XXYLT1: variants seen among roughly 807,000 people sequenced by gnomAD.
XXYLT1 encodes the protein UDP-xylose:alpha-xyloside alpha-1,3-xylosyltransferase.
XXYLT1 carries 20 observed loss-of-function variants against 28.9 expected under a neutral mutation model. The observed-to-expected ratio is 0.69, with a 90% CI of 0.49 to 1.00. The LOEUF is 1.00. XXYLT1 is among the 50% of genes least tolerant of loss of function. The pLI, the probability that XXYLT1 is intolerant of heterozygous loss-of-function variation, is 0.00. For missense variants in XXYLT1, 542 were observed against 560.1 expected, an observed-to-expected ratio of 0.97 and a Z score of 0.33; for synonymous variants, 257 against 253.8, an observed-to-expected ratio of 1.01 and a Z score of -0.12.
At chr3:195,205,733 G>C (rs1371683976) in intron 2 of XXYLT1, among the ~76,000 whole-genome samples, 1 of 152,156 alleles carries the variant, frequency 6.6e-6, no homozygotes, top group Non-Finnish European at 1.5e-5. Context: ...TGTGGTGGCA[G>C]GCGACTGTAA....
chr3:195,094,432 G>A (rs140307194), intron 3 of XXYLT1, among the ~76,000 whole-genome samples: 20 of 152,300 alleles, frequency 1.3e-4, no homozygotes, highest in African/African-American at 4.8e-4. Flanking sequence ...AGAGTGGCCC[G>A]ACCAGGCTTC....
At chr3:195,132,467 C>CA (rs200263210) in intron 3 of XXYLT1, among the ~76,000 whole-genome samples, 5,340 of 127,056 alleles carry the variant, frequency 0.042, 159 homozygotes, top group East Asian at 0.17. Flanking sequence ...ACTCGGTCTC[C>CA]AAAAAAAAAA....
intron 3 of XXYLT1, among the ~76,000 whole-genome samples, chr3:195,139,677 A>C (rs965852927): frequency 1.2e-4 from 18 of 152,166 alleles, no homozygotes; most frequent in Non-Finnish European, 1.2e-4. Context: ...TGATAAGACA[A>C]AGGCCCCTTC....
chr3:195,198,536 A>G (rs1722721141), intron 2 of XXYLT1, among the ~76,000 whole-genome samples: 1 of 152,224 alleles, frequency 6.6e-6, no homozygotes, highest in South Asian at 2.1e-4. Context: ...CCACCCTAAC[A>G]AAAGCAATAA....
At chr3:195,090,396 C>A (rs1299717914) in intron 3 of XXYLT1, among the ~76,000 whole-genome samples, 1 of 150,572 alleles carries the variant, frequency 6.6e-6, no homozygotes, top group African/African-American at 2.5e-5. Context: ...CTCAACTACA[C>A]GGAAACTGAA....
chr3:195,213,740 A>T (rs944052405), intron 2 of XXYLT1, among the ~76,000 whole-genome samples: 2 of 152,246 alleles, frequency 1.3e-5, no homozygotes, highest in Non-Finnish European at 2.9e-5. Flanking sequence ...AGGGAAAAGT[A>T]CTAATACTAT....
At chr3:195,083,709 A>G (rs1172962167) in intron 3 of XXYLT1, among the ~76,000 whole-genome samples, 3 of 152,174 alleles carry the variant, frequency 2.0e-5, no homozygotes, top group African/African-American at 7.2e-5. Context: ...CATTTTACGG[A>G]CGAGGAAATG....
chr3:195,136,597 C>A (rs1185677033), intron 3 of XXYLT1, among the ~76,000 whole-genome samples: 1 of 152,170 alleles, frequency 6.6e-6, no homozygotes, highest in African/African-American at 2.4e-5. Context: ...CACCTGCGTT[C>A]TTATGTCACT....
rs1246232533 is a variant in XXYLT1 at position 195,110,281 on chromosome 3, G to A, written c.786-40170C>T. On this transcript the variant is annotated intron_variant, in intron 3 of 3. Transcript: ENST00000310380. The stretch of plus-strand genomic sequence containing the variant: ...TGTGTGTGGGTGTGTGGTGTGTGTG[G>A]GGTGTATGTGTGCGTGTGTGGTATA... 1.4e-4 allele frequency among the ~76,000 whole-genome samples: 11 copies of A among 81,040 alleles called. 3 individuals carry two copies. The highest frequency in any genetic ancestry group is 3.9e-4 in the African/African-American group (7 of 17,800). The allele number at this position is 81,040 out of a possible 152,430, so 53.2% of individuals were successfully genotyped here. A position where few individuals can be genotyped will look rare whatever the true frequency, so the allele number is the denominator to read the frequency against.
At chr3:195,254,200 A>G (rs1468993696) in intron 1 of XXYLT1, among the ~76,000 whole-genome samples, 3 of 152,244 alleles carry the variant, frequency 2.0e-5, no homozygotes, top group Admixed American at 6.5e-5. Context: ...CCAGGGCCTC[A>G]GCCCCAGGGC....
rs1041481800 is a variant in XXYLT1, at chr3:195,188,265, T to C, written c.653-31684A>G. On this transcript the variant is annotated intron_variant, in intron 2 of 3. Coordinates refer to ENST00000310380, the MANE Select transcript of XXYLT1 (RefSeq NM_152531.5). ...GGAGTGAGGCTGAAACAATCCTCTGTGCTGCCCAGAGGTAGGGCTCAAACA... is the reference window on the plus strand; with the variant it reads ...GGAGTGAGGCTGAAACAATCCTCTGCGCTGCCCAGAGGTAGGGCTCAAACA... Among the ~76,000 whole-genome samples the C allele has an allele frequency of 2.6e-5, 4 of 152,186 alleles. No homozygotes were observed. The South Asian group carries it at 8.3e-4, about 32-fold the overall frequency.
At position 195,124,554 on chromosome 3, in the gene XXYLT1, G is replaced by A. The variant is rs1718521012; in HGVS notation, c.785+31895C>T. ...TTCCGTGGGGGCAAGGACCACGTTTGTTTTGCTCACGAACGCAGCCCCAGC... is the reference window on the plus strand; with the variant it reads ...TTCCGTGGGGGCAAGGACCACGTTTATTTTGCTCACGAACGCAGCCCCAGC... On this transcript the variant is annotated intron_variant, in intron 3 of 3. Transcript: ENST00000310380. This position sits in a 1 kb window ranked among gnomAD's most constrained non-coding sequence, Gnocchi z 4.1. 6.6e-6 allele frequency among the ~76,000 whole-genome samples: 1 copy of A among 152,214 alleles called. No homozygotes were observed. Among genetic ancestry groups the A allele is most frequent in the Non-Finnish European group, 1.5e-5 (1 of 68,034 alleles).
intron 2 of XXYLT1, among the ~76,000 whole-genome samples, chr3:195,157,610 T>G (rs1377542725): frequency 6.6e-6 from 1 of 152,188 alleles, no homozygotes; most frequent in Non-Finnish European, 1.5e-5. Flanking sequence ...CAGCCCAGCC[T>G]GACCAGGATC....
chr3:195,230,971 G>C (rs1337080868), intron 1 of XXYLT1, among the ~76,000 whole-genome samples: 1 of 152,082 alleles, frequency 6.6e-6, no homozygotes, highest in Non-Finnish European at 1.5e-5. Flanking sequence ...GCTTTGGGTA[G>C]TATGGAAAGT....
At chr3:195,220,287 G>A (rs962128205) in intron 2 of XXYLT1, among the ~76,000 whole-genome samples, 4 of 152,180 alleles carry the variant, frequency 2.6e-5, no homozygotes, top group African/African-American at 7.2e-5. Flanking sequence ...GACTACAGGC[G>A]CCCATCACCA....
intron 3 of XXYLT1, among the ~76,000 whole-genome samples, chr3:195,075,586 C>T (rs548715898): frequency 3.3e-5 from 5 of 152,334 alleles, no homozygotes; most frequent in East Asian, 3.9e-4. Context: ...TGCCAGGAGG[C>T]GCAGAGGCTG....
At chr3:195,263,120 C>T (rs923986940) in intron 1 of XXYLT1, among the ~76,000 whole-genome samples, 22 of 152,208 alleles carry the variant, frequency 1.4e-4, no homozygotes, top group Admixed American at 3.9e-4. Context: ...AAGGTCTTCA[C>T]ATCCAGGCTT....
In XXYLT1 at chr3:195,123,247, C is replaced by G. The variant is rs762989989; in HGVS notation, c.785+33202G>C. 8.6e-5 allele frequency among the ~76,000 whole-genome samples: 13 copies of G among 151,982 alleles called. No individual in the cohort carries two copies. The South Asian group carries it at 2.1e-3, about 24-fold the overall frequency. On this transcript the variant is annotated intron_variant, in intron 3 of 3. Transcript: ENST00000310380. ...CAGTGGAAGAAGTGGAGGGGCCCAC[C>G]ACCTATCCATCATAGTGGACAAATC...
rs1417489265 is a variant in XXYLT1, at chr3:195,271,138, C to G, written c.-80G>C. 2 of 1,260,028 alleles carry G rather than the reference C, an allele frequency of 1.6e-6. No individual in the cohort carries two copies. The highest frequency in any genetic ancestry group is 4.3e-5 in the Admixed American group (1 of 23,208). 78.1% of individuals were successfully genotyped at this position (1,260,028 alleles called of 1,614,324 possible). On this transcript the variant is annotated 5_prime_UTR_variant, in exon 1 of 4. Transcript: ENST00000310380. ...ACCCGGACGCCGGCGGCCACTTAGC[C>G]CCGGCGCCAGGCGGCGGCCATGAAA...
Sources: gnomAD v4.1 joint callset for allele counts (sites outside exome capture counted in the v4.1 genomes callset) on GRCh38, gnomAD v4.1.1 for gene constraint, Gnocchi (gnomAD v3.1) non-coding constraint, MANE v1.5 for transcripts, NCBI Gene and HGNC (gene_info 2026-07-23, HGNC 2026-07-21) for gene names.